Variants in UBE2D3 observed in about 807,000 individuals in gnomAD.
UBE2D3 encodes the protein ubiquitin conjugating enzyme E2 D3.
UBE2D3 carries 2 observed loss-of-function variants against 22.8 expected under a neutral mutation model. The ratio of observed to expected loss-of-function variants is 0.09; its 90% CI spans 0.04 to 0.28. The LOEUF is 0.28. Among genes scored for constraint, UBE2D3 ranks in the 10% least tolerant of loss-of-function variants. UBE2D3 has a pLI of 1.00. For missense variants in UBE2D3, 27 were observed against 182.5 expected (o/e 0.15, Z 4.91); for synonymous variants, 56 against 60.4 (o/e 0.93, Z 0.34).
chr4:102,812,752 C>T (rs1728224647), intron 2 of UBE2D3: 1 of 152,032 alleles, frequency 6.6e-6, no homozygotes, highest in African/African-American at 2.4e-5. Flanking sequence ...TCGAGAAACA[C>T]TGAAAAAGAA....
chr4:102,867,909 A>AT (rs1020855284), intron 1 of UBE2D3, among the ~76,000 whole-genome samples: 6 of 150,146 alleles, frequency 4.0e-5, no homozygotes, highest in Non-Finnish European at 7.4e-5. Flanking sequence ...ATGAAAAAAA[A>AT]TTTTTTTTTA....
At chr4:102,859,428 T>A (rs1453330117) in intron 1 of UBE2D3, among the ~76,000 whole-genome samples, 1 of 151,928 alleles carries the variant, frequency 6.6e-6, no homozygotes, top group Non-Finnish European at 1.5e-5. Context: ...TTTGGCAAGG[T>A]CTGAGAAAGG....
chr4:102,798,279 A>AATATATATATATATATAT (rs10526258), intron 7 of UBE2D3, among the ~76,000 whole-genome samples: 2,887 of 111,710 alleles, frequency 0.026, 202 homozygotes, highest in African/African-American at 0.042. Context: ...TTAAGAAATG[A>AATATATATATATATATAT]ATATATATAT....
At chr4:102,836,155 T>A (rs1731385092) in intron 1 of UBE2D3, among the ~76,000 whole-genome samples, 1 of 145,648 alleles carries the variant, frequency 6.9e-6, no homozygotes, top group Non-Finnish European at 1.5e-5. Flanking sequence ...TTTTTTTTTT[T>A]TTTTTTTTTG....
chr4:102,804,089 CCTT>C (rs1206874404), intron 4 of UBE2D3, among the ~76,000 whole-genome samples: 1 of 152,022 alleles, frequency 6.6e-6, no homozygotes, highest in Non-Finnish European at 1.5e-5. Flanking sequence ...TAAAGTGAGT[CCTT>C]CTCCATCTCC....
intron 1 of UBE2D3, among the ~76,000 whole-genome samples, chr4:102,848,282 AGG>A (rs1014373014): frequency 1.3e-5 from 2 of 152,064 alleles, no homozygotes; most frequent in African/African-American, 4.8e-5. Flanking sequence ...AGGCAAAGGC[AGG>A]AGGATCATTG....
intron 1 of UBE2D3, among the ~76,000 whole-genome samples, chr4:102,862,351 T>C (rs923818769): frequency 3.9e-5 from 6 of 151,902 alleles, no homozygotes; most frequent in Admixed American, 1.3e-4. Context: ...TTTAAAAAAA[T>C]TGATTAGTTT....
intron 5 of UBE2D3, 80 bp from the exon 6 acceptor site, chr4:102,801,639 A>C (rs1340109538): frequency 4.4e-5 from 50 of 1,134,862 alleles, no homozygotes; most frequent in Non-Finnish European, 6.0e-5. Flanking sequence ...ATCAAGCCAC[A>C]ATGTTAAAAA....
upstream of UBE2D3, among the ~76,000 whole-genome samples, chr4:102,831,000 T>C (rs1336132038): frequency 1.3e-5 from 2 of 152,232 alleles, no homozygotes; most frequent in Non-Finnish European, 2.9e-5. Flanking sequence ...TTAGAATGTA[T>C]TGATGAATAA....
intron 2 of UBE2D3, among the ~76,000 whole-genome samples, chr4:102,820,562 G>C (rs1029263858): frequency 6.6e-6 from 1 of 152,136 alleles, no homozygotes; most frequent in Non-Finnish European, 1.5e-5. Flanking sequence ...AGAATGGATT[G>C]AATATTACTA....
Position 102,845,679 on chromosome 4 carries a change from T to C in UBE2D3, c.-128-19043A>G, listed in dbSNP as rs541895510. Reference sequence around the variant, plus strand: ...CTTTATTATATTTCCAGGGACCTCATGATCATTTAGCCATTATCACTTTTC... The same window carrying C: ...CTTTATTATATTTCCAGGGACCTCACGATCATTTAGCCATTATCACTTTTC... On this transcript the variant is annotated intron_variant, in intron 1 of 7. Coordinates refer to the UBE2D3 transcript ENST00000338145. 3.9e-5 allele frequency among the ~76,000 whole-genome samples: 6 copies of C among 152,352 alleles called. No homozygotes were observed. The South Asian group carries it at 6.2e-4, about 16-fold the overall frequency.
intron 2 of UBE2D3, among the ~76,000 whole-genome samples, chr4:102,822,629 C>T (rs1398810710): frequency 6.6e-6 from 1 of 152,134 alleles, no homozygotes; most frequent in East Asian, 1.9e-4. Flanking sequence ...AAATCACATA[C>T]ATTATAAAAC....
chr4:102,827,703 T>C (rs1730808781), upstream of UBE2D3: 1 of 966,910 alleles, frequency 1.0e-6, no homozygotes, highest in African/African-American at 2.1e-5. Flanking sequence ...TGAATACGTG[T>C]CAAGCCCTTT....
At chr4:102,800,874 C>T (rs1050372080) in intron 6 of UBE2D3, among the ~76,000 whole-genome samples, 42 of 151,950 alleles carry the variant, frequency 2.8e-4, no homozygotes, top group Admixed American at 9.8e-4. Context: ...GATATTCATG[C>T]GGAGACCGGA....
In UBE2D3 at chr4:102,827,460, C is replaced by G; in HGVS notation, c.-162G>C. 1 of 986,244 alleles carries G rather than the reference C, an allele frequency of 1.0e-6. No individual in the cohort carries two copies. Among genetic ancestry groups the G allele is most frequent in the Non-Finnish European group, 1.2e-6 (1 of 830,198 alleles). The allele number at this position is 986,244 out of a possible 1,614,324, so 61.1% of individuals were successfully genotyped here. A position where few individuals can be genotyped will look rare whatever the true frequency, so the allele number is the denominator to read the frequency against. On this transcript the variant is annotated 5_prime_UTR_variant, in exon 1 of 8. Transcript: ENST00000453744. Reference sequence around the variant, plus strand: ...CGGGGCCTCCCTCAAGCTGCGGCCTCGGCCTCCTCCCCGCGCGGCAGCTGG... The same window carrying G: ...CGGGGCCTCCCTCAAGCTGCGGCCTGGGCCTCCTCCCCGCGCGGCAGCTGG...
intron 1 of UBE2D3, among the ~76,000 whole-genome samples, chr4:102,859,125 G>C (rs1732761871): frequency 6.6e-6 from 1 of 151,998 alleles, no homozygotes; most frequent in Admixed American, 6.6e-5. Context: ...CTCAGCTTTT[G>C]TTTTTGTGGA....
At chr4:102,814,774 T>C (rs1037758172) in intron 2 of UBE2D3, among the ~76,000 whole-genome samples, 10 of 152,136 alleles carry the variant, frequency 6.6e-5, no homozygotes, top group African/African-American at 2.4e-5. Context: ...AATTCATCTG[T>C]TACTGAACAA....
At chr4:102,832,812 C>A (rs1731182422) in intron 1 of UBE2D3, among the ~76,000 whole-genome samples, 1 of 152,022 alleles carries the variant, frequency 6.6e-6, no homozygotes, top group South Asian at 2.1e-4. Flanking sequence ...AGTTTGAGAT[C>A]AGCCTGTGCA....
chr4:102,807,064 A>C (rs1341212100), intron 4 of UBE2D3, among the ~76,000 whole-genome samples: 1 of 152,204 alleles, frequency 6.6e-6, no homozygotes, highest in East Asian at 1.9e-4. Flanking sequence ...ACTCAAAATT[A>C]GATGGTATAT....
Sources: gnomAD v4.1 joint callset for allele counts (sites outside exome capture counted in the v4.1 genomes callset) on GRCh38, gnomAD v4.1.1 for gene constraint, MANE v1.5 for transcripts, NCBI Gene and HGNC (gene_info 2026-07-23, HGNC 2026-07-21) for gene names.